Variants in C10orf67 observed in about 807,000 individuals in gnomAD.
C10orf67 encodes the protein uncharacterized protein C10orf67, mitochondrial.
A neutral mutation model predicts 35.6 loss-of-function variants in C10orf67; 60 were observed. The ratio of observed to expected loss-of-function variants is 1.68; its 90% confidence interval spans 1.37 to 2.09. The LOEUF is 2.09. Ranked by LOEUF, C10orf67 falls within the 30% of genes most tolerant of loss-of-function variation. The pLI, the probability that C10orf67 is intolerant of heterozygous loss-of-function variation, is 0.00. For missense variants in C10orf67, 474 were observed against 330.2 expected (o/e 1.44, Z -3.38); for synonymous variants, 167 against 115.8 (o/e 1.44, Z -2.84).
At chr10:23,234,024 A>G (rs1841977274) in intron 13 of C10orf67, among the ~76,000 whole-genome samples, 1 of 152,202 alleles carries the variant, frequency 6.6e-6, no homozygotes, top group East Asian at 1.9e-4. Flanking sequence ...AGATTTTAAA[A>G]ACTAAAATCT....
At chr10:23,333,272 CGT>C in intron 1 of C10orf67, 90 bp from the exon 2 acceptor site, 1 of 1,256,232 alleles carries the variant, frequency 8.0e-7, no homozygotes, top group African/African-American at 1.5e-5. Flanking sequence ...TAAATCATAT[CGT>C]ATTTTAAGTA....
chr10:23,313,584 T>C (rs1382749324), intron 4 of C10orf67, among the ~76,000 whole-genome samples: 1 of 152,160 alleles, frequency 6.6e-6, no homozygotes, highest in Non-Finnish European at 1.5e-5. Flanking sequence ...GACAGATCAA[T>C]ATGTACTGGG....
At chr10:23,314,273 T>C (rs781186898) in intron 4 of C10orf67, among the ~76,000 whole-genome samples, 1 of 151,948 alleles carries the variant, frequency 6.6e-6, no homozygotes, top group African/African-American at 2.4e-5. Flanking sequence ...ATATGAAAGA[T>C]GAATTTGTTA....
intron 10 of C10orf67, among the ~76,000 whole-genome samples, chr10:23,257,524 C>T (rs1842634542): frequency 6.6e-6 from 1 of 152,174 alleles, no homozygotes; most frequent in South Asian, 2.1e-4. Flanking sequence ...AAACTGTTGC[C>T]TGGTGCAGTG....
intron 13 of C10orf67, among the ~76,000 whole-genome samples, chr10:23,227,361 G>A (rs1160444142): frequency 1.3e-5 from 2 of 152,246 alleles, no homozygotes; most frequent in South Asian, 2.1e-4. Flanking sequence ...AATAGATGCA[G>A]AAAAGGCCTT....
chr10:23,311,478 G>A (rs1485353474), intron 4 of C10orf67, among the ~76,000 whole-genome samples: 12 of 152,250 alleles, frequency 7.9e-5, no homozygotes, highest in African/African-American at 2.2e-4. Context: ...TTGGGAGGCC[G>A]AGGTGGGTGG....
intron 15 of C10orf67, among the ~76,000 whole-genome samples, chr10:23,222,106 AG>A (rs1841598800): frequency 6.6e-6 from 1 of 152,138 alleles, no homozygotes; most frequent in African/African-American, 2.4e-5. Context: ...AAGGCAAAAA[AG>A]TGAGCTAATA....
chr10:23,294,696 G>A, intron 5 of C10orf67, among the ~76,000 whole-genome samples: 1 of 152,088 alleles, frequency 6.6e-6, no homozygotes, highest in East Asian at 1.9e-4. Context: ...GATAACTGTA[G>A]ATAAACTAAA....
chr10:23,236,630 C>A (rs1397214795), intron 13 of C10orf67, among the ~76,000 whole-genome samples: 2 of 152,072 alleles, frequency 1.3e-5, no homozygotes, highest in East Asian at 1.9e-4. Flanking sequence ...GTAATCCCAG[C>A]CTTTTGGGAG....
intron 5 of C10orf67, among the ~76,000 whole-genome samples, chr10:23,298,555 G>C (rs1843966466): frequency 6.6e-6 from 1 of 152,184 alleles, no homozygotes; most frequent in Non-Finnish European, 1.5e-5. Context: ...GTATATAATG[G>C]TCTGGCTATT....
chr10:23,284,310 A>G (rs550250939), intron 7 of C10orf67, among the ~76,000 whole-genome samples: 10 of 151,756 alleles, frequency 6.6e-5, no homozygotes, highest in African/African-American at 2.4e-4. Flanking sequence ...ATCCAGTCAC[A>G]AGCAGTTCCA....
chr10:23,208,033 T>G (rs2131703274), intron 15 of C10orf67, among the ~76,000 whole-genome samples: 1 of 152,350 alleles, frequency 6.6e-6, no homozygotes, highest in Admixed American at 6.5e-5. Flanking sequence ...GTTCTAATCC[T>G]AGAGAAAAAT....
chr10:23,307,860 C>T (rs2132298277), intron 4 of C10orf67, among the ~76,000 whole-genome samples: 1 of 152,226 alleles, frequency 6.6e-6, no homozygotes, highest in East Asian at 1.9e-4. Context: ...CTCAAGGGAT[C>T]CGCCTGCCTC....
chr10:23,228,037 C>G (rs1841792113), intron 13 of C10orf67, among the ~76,000 whole-genome samples: 1 of 152,132 alleles, frequency 6.6e-6, no homozygotes, highest in Admixed American at 6.5e-5. Flanking sequence ...AGATTCAATG[C>G]CATTCCCATC....
chr10:23,241,515 A>G (rs1482621793), intron 12 of C10orf67, among the ~76,000 whole-genome samples: 1 of 152,206 alleles, frequency 6.6e-6, no homozygotes, highest in Admixed American at 6.5e-5. Flanking sequence ...AGTAGAGTGA[A>G]CATTGCCCCC....
intron 2 of C10orf67, among the ~76,000 whole-genome samples, chr10:23,330,017 A>C (rs1256185477): frequency 6.6e-6 from 1 of 152,200 alleles, no homozygotes; most frequent in African/African-American, 2.4e-5. Context: ...AAGCCATATG[A>C]GTGCATGATC....
intron 1 of C10orf67, among the ~76,000 whole-genome samples, chr10:23,343,619 A>G (rs1473900872): frequency 1.3e-5 from 2 of 152,190 alleles, no homozygotes; most frequent in African/African-American, 4.8e-5. Context: ...CCCGCTGAGA[A>G]AACTGAGGCA....
intron 12 of C10orf67, 48 bp from the exon 13 acceptor site, chr10:23,239,864 A>G (rs939854407): frequency 3.5e-6 from 2 of 566,290 alleles, no homozygotes; most frequent in East Asian, 5.6e-5. Context: ...AAATCATAGC[A>G]TAAAGCAAAT....
At chr10:23,337,648 G>C (rs1003674716) in intron 1 of C10orf67, among the ~76,000 whole-genome samples, 5 of 152,164 alleles carry the variant, frequency 3.3e-5, no homozygotes, top group Non-Finnish European at 5.9e-5. Flanking sequence ...CCAAAGAAAA[G>C]AATGGTAAAT....
Sources: gnomAD v4.1 joint callset for allele counts (sites outside exome capture counted in the v4.1 genomes callset) on GRCh38, gnomAD v4.1.1 for gene constraint, MANE v1.5 for transcripts, NCBI Gene and HGNC (gene_info 2026-07-23, HGNC 2026-07-21) for gene names.